The following ARSB variants were observed in gnomAD, a reference collection of about 807,000 sequenced individuals.
ARSB encodes arylsulfatase B.
Under a neutral mutation model 50.9 loss-of-function variants are expected in ARSB, and 41 were observed. The ratio of observed to expected loss-of-function variants is 0.81; its 90% CI spans 0.63 to 1.04. The LOEUF is 1.04. Ranked by LOEUF, ARSB falls within the 50% of genes least tolerant of loss-of-function variation. The pLI is 0.00. For missense variants in ARSB, 672 were observed against 693.3 expected (o/e 0.97, Z 0.35); for synonymous variants, 269 against 284.8 (o/e 0.94, Z 0.56).
Position 78,780,155 on chromosome 5 carries a change from G to T in ARSB, c.*242C>A, listed in dbSNP as rs1411607467. On this transcript the variant is annotated 3_prime_UTR_variant, in exon 8 of 8. Transcript: ENST00000264914. ...AGTTCCCAGCTGTCCCAAGGCTTAG[G>T]AAAGGGGGATAAACCCAGCCACCCC... 6 of 531,568 alleles carry T rather than the reference G, an allele frequency of 1.1e-5. No individual in the cohort carries two copies. Among genetic ancestry groups the T allele is most frequent in the Non-Finnish European group, 2.0e-5 (6 of 295,972 alleles). The allele number at this position is 531,568 out of a possible 1,614,324, so 32.9% of individuals were successfully genotyped here. A position where few individuals can be genotyped will look rare whatever the true frequency, so the allele number is the denominator to read the frequency against.
At chr5:78,795,937 T>G (rs1412660724) in intron 6 of ARSB, among the ~76,000 whole-genome samples, 1 of 152,204 alleles carries the variant, frequency 6.6e-6, no homozygotes, top group Non-Finnish European at 1.5e-5. Flanking sequence ...CTAGACAGAG[T>G]TCAAATGTTA....
At chr5:78,908,851 G>A (rs1490984672) in intron 4 of ARSB, among the ~76,000 whole-genome samples, 7 of 152,076 alleles carry the variant, frequency 4.6e-5, no homozygotes, top group Non-Finnish European at 1.0e-4. Context: ...CTGCAGGATG[G>A]TTGGGTTTTT....
chr5:78,780,040 C>A lies in ARSB; in HGVS notation c.*357G>T. 3.2e-6 allele frequency: 1 copy of A among 308,242 alleles called. No homozygotes were observed. The highest frequency in any genetic ancestry group is 6.3e-6 in the Non-Finnish European group (1 of 159,584). 19.1% of individuals were successfully genotyped at this position (308,242 alleles called of 1,614,324 possible). A position where few individuals can be genotyped will look rare whatever the true frequency, so the allele number is the denominator to read the frequency against. Reference sequence around the variant, plus strand: ...TCACTCCAATAAAACTGGCTATTGGCAGAGGGGAATCGAACGTCTGACTTG... The same window carrying A: ...TCACTCCAATAAAACTGGCTATTGGAAGAGGGGAATCGAACGTCTGACTTG... On this transcript the variant is annotated 3_prime_UTR_variant, in exon 8 of 8. Coordinates refer to ENST00000264914, the MANE Select transcript of ARSB (RefSeq NM_000046.5).
At chr5:78,943,810 T>G (rs1294931165) in intron 4 of ARSB, among the ~76,000 whole-genome samples, 2 of 152,218 alleles carry the variant, frequency 1.3e-5, no homozygotes, top group South Asian at 2.1e-4. Flanking sequence ...ATTTCCTGAA[T>G]CTGAATGTTG....
At chr5:78,781,806 C>A in intron 7 of ARSB, 46 bp downstream of exon 7, 1 of 1,613,296 alleles carries the variant, frequency 6.2e-7, no homozygotes, top group Non-Finnish European at 8.5e-7. Context: ...CACAGCCCTG[C>A]TTTGTCTACC....
chr5:78,970,961 G>C (rs565930513), intron 1 of ARSB, among the ~76,000 whole-genome samples: 1 of 152,280 alleles, frequency 6.6e-6, no homozygotes, highest in African/African-American at 2.4e-5. Context: ...GCAAGACCCT[G>C]TCTCAAAAAG....
intron 6 of ARSB, among the ~76,000 whole-genome samples, chr5:78,794,960 A>G (rs1204508294): frequency 2.6e-5 from 4 of 152,206 alleles, no homozygotes; most frequent in Admixed American, 6.5e-5. Context: ...CTCCTACTTC[A>G]TAACTCTGTA....
At chr5:78,885,421 T>A (rs1747971070) in intron 5 of ARSB, 163 bp downstream of exon 5, 1 of 991,844 alleles carries the variant, frequency 1.0e-6, no homozygotes, top group East Asian at 2.6e-5. Flanking sequence ...AATTTAAAAA[T>A]ATATATACTT....
intron 5 of ARSB, among the ~76,000 whole-genome samples, chr5:78,841,683 TA>T (rs1745221520): frequency 1.3e-5 from 2 of 152,226 alleles, no homozygotes; most frequent in Admixed American, 6.5e-5. Flanking sequence ...AGAGAGTTTA[TA>T]TACATACTCT....
chr5:78,809,630 GC>G (rs1376643518), intron 6 of ARSB, among the ~76,000 whole-genome samples: 1 of 152,256 alleles, frequency 6.6e-6, no homozygotes, highest in Non-Finnish European at 1.5e-5. Context: ...CAGGCTGAGG[GC>G]CGCCAGAGCC....
chr5:78,939,771 A>G (rs547913193), intron 4 of ARSB, among the ~76,000 whole-genome samples: 33 of 152,242 alleles, frequency 2.2e-4, no homozygotes, highest in African/African-American at 7.2e-4. Flanking sequence ...TAGCAGCATG[A>G]TTTATAATCC....
chr5:78,872,918 T>C (rs2112160180), intron 5 of ARSB, among the ~76,000 whole-genome samples: 1 of 151,514 alleles, frequency 6.6e-6, no homozygotes, highest in East Asian at 1.9e-4. Context: ...AATGAAAGTG[T>C]CCAAATCCCA....
intron 4 of ARSB, among the ~76,000 whole-genome samples, chr5:78,887,361 ATTGAGAAC>A (rs1748087619): frequency 6.6e-6 from 1 of 152,092 alleles, no homozygotes. Flanking sequence ...TTCCCTTGAG[ATTGAGAAC>A]TCGATCCTGG....
chr5:78,959,904 T>G (rs7737068), intron 3 of ARSB, among the ~76,000 whole-genome samples: 40,201 of 152,066 alleles, frequency 0.26, 6,588 homozygotes, highest in African/African-American at 0.47. Flanking sequence ...GCAGCCACTA[T>G]TCCTAGGACC....
At chr5:78,788,317 G>A (rs768358793) in intron 6 of ARSB, among the ~76,000 whole-genome samples, 8 of 152,168 alleles carry the variant, frequency 5.3e-5, no homozygotes, top group African/African-American at 9.7e-5. Context: ...TACATAATAC[G>A]TAGTAAACTT....
At chr5:78,782,592 C>T (rs1039611041) in intron 6 of ARSB, among the ~76,000 whole-genome samples, 17 of 152,136 alleles carry the variant, frequency 1.1e-4, no homozygotes, top group African/African-American at 3.6e-4. Flanking sequence ...TTTTTGAGAT[C>T]TTAATTGATC....
At chr5:78,825,363 T>C (rs1744392259) in intron 6 of ARSB, among the ~76,000 whole-genome samples, 1 of 152,224 alleles carries the variant, frequency 6.6e-6, no homozygotes, top group African/African-American at 2.4e-5. Context: ...ATTTAAAAAA[T>C]GTTTATTCAT....
At position 78,981,171 on chromosome 5, in the gene ARSB, C is replaced by T. The variant is rs1189617976; in HGVS notation, c.312+3766G>A. The stretch of plus-strand genomic sequence containing the variant: ...TTCACCGTTTTAGCCGGGATGGTCT[C>T]GATCTCCTGACCTCGTGATCCGCCC... On this transcript the variant is annotated intron_variant, in intron 1 of 7. Coordinates refer to ENST00000264914, the MANE Select transcript of ARSB (RefSeq NM_000046.5). Among the ~76,000 whole-genome samples, 2 of 5,560 alleles carry T rather than the reference C, an allele frequency of 3.6e-4. 1 individual carries two copies. The highest frequency in any genetic ancestry group is 5.8e-4 in the Non-Finnish European group (2 of 3,438). The allele number at this position is 5,560 out of a possible 152,430, so 3.6% of individuals were successfully genotyped here.
At chr5:78,829,662 G>C (rs1375986604) in intron 6 of ARSB, among the ~76,000 whole-genome samples, 2 of 152,156 alleles carry the variant, frequency 1.3e-5, no homozygotes, top group Non-Finnish European at 2.9e-5. Context: ...AGGCCGTTTA[G>C]TCTGTTTTCA....
Sources: gnomAD v4.1 joint callset for allele counts (sites outside exome capture counted in the v4.1 genomes callset) on GRCh38, gnomAD v4.1.1 for gene constraint, MANE v1.5 for transcripts, NCBI Gene and HGNC (gene_info 2026-07-23, HGNC 2026-07-21) for gene names.